SYCP1: variants seen among roughly 807,000 people sequenced by gnomAD.
The protein encoded by SYCP1 is cancer/testis antigen 8.
SYCP1 carries 64 observed loss-of-function variants against 153.1 expected under a neutral mutation model. The observed-to-expected ratio is 0.42, with a 90% CI of 0.34 to 0.51. The LOEUF is 0.51. SYCP1 is among the 20% of genes least tolerant of loss of function. The probability of loss-of-function intolerance (pLI) is 0.06; values close to 1 mark genes in which losing one functional copy is unlikely to be tolerated. For synonymous variants in SYCP1, 384 were observed against 341.8 expected (o/e 1.12, Z -1.36); for missense variants, 997 against 1,049.0 (o/e 0.95, Z 0.68).
intron 12 of SYCP1, among the ~76,000 whole-genome samples, chr1:114,885,071 G>A (rs1033391303): frequency 3.3e-5 from 5 of 151,764 alleles, no homozygotes; most frequent in South Asian, 4.2e-4. Flanking sequence ...TTTTACCATC[G>A]GGAGATAAAT....
At chr1:114,957,155 C>T (rs1309494446) in intron 27 of SYCP1, among the ~76,000 whole-genome samples, 1 of 152,098 alleles carries the variant, frequency 6.6e-6, no homozygotes, top group Non-Finnish European at 1.5e-5. Flanking sequence ...ATCTCCAACT[C>T]CTGGGTTCAA....
At chr1:114,941,143 C>T (rs991233388) in intron 23 of SYCP1, among the ~76,000 whole-genome samples, 11 of 151,796 alleles carry the variant, frequency 7.2e-5, no homozygotes, top group Admixed American at 3.9e-4. Flanking sequence ...AGAAGTTGGC[C>T]CTCCATATAT....
intron 27 of SYCP1, among the ~76,000 whole-genome samples, chr1:114,963,155 C>T (rs1390955202): frequency 4.6e-5 from 7 of 152,104 alleles, no homozygotes; most frequent in South Asian, 2.1e-4. Context: ...GCCTAGATTA[C>T]GATCTTTTGC....
At chr1:114,980,448 A>G (rs1189117973) in intron 28 of SYCP1, among the ~76,000 whole-genome samples, 1 of 151,904 alleles carries the variant, frequency 6.6e-6, no homozygotes, top group Non-Finnish European at 1.5e-5. Context: ...ATTTATTTAG[A>G]ATTGAAGCAA....
chr1:114,914,878 A>G (rs1194781169), intron 20 of SYCP1, among the ~76,000 whole-genome samples: 1 of 152,118 alleles, frequency 6.6e-6, no homozygotes. Context: ...AGACTAAGTC[A>G]AGAACTAAAG....
intron 27 of SYCP1, among the ~76,000 whole-genome samples, chr1:114,970,824 G>A (rs1672441722): frequency 6.6e-6 from 1 of 152,206 alleles, no homozygotes; most frequent in South Asian, 2.1e-4. Context: ...GCAGGGCAGT[G>A]AAGCAGACTC....
Position 114,910,484 on chromosome 1 carries a change from C to T in SYCP1, c.1408C>T (p.Leu470Phe). The T allele has an allele frequency of 1.9e-6, 3 of 1,583,502 alleles. No individual in the cohort carries two copies. The highest frequency in any genetic ancestry group is 2.6e-6 in the Non-Finnish European group (3 of 1,166,970). Residue 470 changes from leucine (L) to phenylalanine (F), a missense_variant, in exon 17 of 32, where the codon CTT becomes TTT. Around this residue, in one of 2 missense-constraint regions of SYCP1, gnomAD observed 712 missense variants for 682.9 expected, o/e 1.04. Transcript: ENST00000369522. ...LKGTEQELIG[L>F]LQAREKEVHD... ...AGGAACAGAACAAGAACTAATTGGT[C>T]TTCTCCAAGCCAGAGAGGTTTGTTT... is the stretch of plus-strand genomic sequence containing the variant.
chr1:114,982,427 T>C (rs1673219337), intron 29 of SYCP1, among the ~76,000 whole-genome samples: 1 of 151,882 alleles, frequency 6.6e-6, no homozygotes, highest in South Asian at 2.1e-4. Flanking sequence ...TCATTTTTTT[T>C]CTATTCCATA....
At chr1:114,977,193 A>G (rs1230877914) in intron 27 of SYCP1, among the ~76,000 whole-genome samples, 2 of 151,730 alleles carry the variant, frequency 1.3e-5, no homozygotes, top group Non-Finnish European at 1.5e-5. Context: ...AAGGCTCACA[A>G]TATTTTAGAT....
chr1:114,876,286 G>C (rs1383141109), intron 10 of SYCP1, 148 bp downstream of exon 10: 1 of 487,400 alleles, frequency 2.1e-6, no homozygotes, highest in Non-Finnish European at 3.4e-6. Context: ...TAAATCTTGT[G>C]GAATGTGGCA....
Position 114,860,766 on chromosome 1 carries a change from A to G in SYCP1, c.555A>G (p.Leu185=). 1 of 1,596,292 alleles carries G rather than the reference A, an allele frequency of 6.3e-7. No individual in the cohort carries two copies. The highest frequency in any genetic ancestry group is 8.5e-7 in the Non-Finnish European group (1 of 1,173,900). Residue 185 remains leucine (L), a synonymous_variant, in exon 8 of 32, where the codon CTA becomes CTG. Coordinates refer to ENST00000369522, the MANE Select transcript of SYCP1 (RefSeq NM_003176.4). ...ATGCCACAAGGCATTTATGTAATCT[A>G]CTCAAAGAAACCTGTGCTAGATCTG... ...ENNATRHLCN[L]LKETCARSAE... is the part of the protein sequence containing the mutation.
chr1:114,934,031 C>T (rs1045714739), intron 23 of SYCP1, among the ~76,000 whole-genome samples: 6 of 152,042 alleles, frequency 3.9e-5, no homozygotes, highest in African/African-American at 1.2e-4. Flanking sequence ...GCAAGGCAGG[C>T]CAACATTCAA....
At chr1:114,946,200 C>T (rs360674) in intron 25 of SYCP1, 89 bp from the exon 26 acceptor site, 89,151 of 462,778 alleles carry the variant, frequency 0.19, 9,585 homozygotes, top group East Asian at 0.4. Flanking sequence ...TAATTAAATA[C>T]TAAATTAAAT....
In SYCP1 at chr1:114,913,957, A is replaced by G; in HGVS notation, c.1648-18A>G. 1 of 1,500,336 alleles carries G rather than the reference A, an allele frequency of 6.7e-7. No individual in the cohort carries two copies. Among genetic ancestry groups the G allele is most frequent in the South Asian group, 1.3e-5 (1 of 75,676 alleles). 92.9% of individuals were successfully genotyped at this position (1,500,336 alleles called of 1,614,324 possible). On this transcript the variant is annotated intron_variant, in intron 19 of 31. Transcript: ENST00000369522. ...TGTTTAAACAAAATAATTGATATAAACAACATTATTTCTTTAGAATAACAA... is the reference window on the plus strand; with the variant it reads ...TGTTTAAACAAAATAATTGATATAAGCAACATTATTTCTTTAGAATAACAA...
intron 27 of SYCP1, among the ~76,000 whole-genome samples, chr1:114,960,254 A>ACCT (rs1671700709): frequency 8.1e-6 from 1 of 123,300 alleles, no homozygotes; most frequent in Admixed American, 1.0e-4. Flanking sequence ...TGCAACCTCC[A>ACCT]CCTCCTGGGT....
intron 24 of SYCP1, 43 bp from the exon 25 acceptor site, chr1:114,944,829 T>A (rs369555896): frequency 7.4e-7 from 1 of 1,352,246 alleles, no homozygotes; most frequent in South Asian, 1.3e-5. Flanking sequence ...TTGTTTTTTG[T>A]GCATTTATTT....
At chr1:114,880,584 C>A (rs904063447) in intron 12 of SYCP1, among the ~76,000 whole-genome samples, 6 of 152,132 alleles carry the variant, frequency 3.9e-5, no homozygotes, top group Non-Finnish European at 5.9e-5. Flanking sequence ...TTCAGGTTTT[C>A]AATTTTGTTT....
intron 21 of SYCP1, 150 bp downstream of exon 21, chr1:114,923,680 G>T (rs1274616939): frequency 1.4e-6 from 1 of 728,730 alleles, no homozygotes; most frequent in Non-Finnish European, 1.9e-6. Context: ...AAATATCTAG[G>T]AAAGGTTGGA....
chr1:114,951,960 A>G (rs758882018), intron 27 of SYCP1, among the ~76,000 whole-genome samples: 13 of 152,246 alleles, frequency 8.5e-5, no homozygotes, highest in Admixed American at 5.2e-4. Flanking sequence ...CTGAGTATAT[A>G]GAAAGTTGGA....
Sources: allele counts gnomAD v4.1 joint callset (sites outside exome capture counted in the v4.1 genomes callset), GRCh38; gene constraint gnomAD v4.1.1; regional missense constraint gnomAD v4.1.1; transcripts MANE v1.5; gene names NCBI Gene and HGNC (gene_info 2026-07-23, HGNC 2026-07-21).